The following PRICKLE1 variants were observed in gnomAD, a reference collection of about 807,000 sequenced individuals.
PRICKLE1 encodes prickle planar cell polarity protein 1.
PRICKLE1 carries 14 observed loss-of-function variants against 70.2 expected under a neutral mutation model. The ratio of observed to expected loss-of-function variants is 0.20; its 90% CI spans 0.13 to 0.31. The LOEUF (loss-of-function observed/expected upper bound fraction) is 0.31. Ranked by LOEUF, PRICKLE1 falls within the 10% of genes least tolerant of loss-of-function variation. The pLI is 1.00. For synonymous variants in PRICKLE1, 357 were observed against 379.9 expected (o/e 0.94, Z 0.70); for missense variants, 821 against 1,026.2 (o/e 0.80, Z 2.73).
chr12:42,499,554 G>A (rs1163913057), intron 1 of PRICKLE1, among the ~76,000 whole-genome samples: 1 of 151,734 alleles, frequency 6.6e-6, no homozygotes, highest in African/African-American at 2.4e-5. Flanking sequence ...CTGAGTAGCT[G>A]GGACTATAAG....
At chr12:42,528,459 G>C (rs1401716050) in intron 1 of PRICKLE1, among the ~76,000 whole-genome samples, 1 of 152,032 alleles carries the variant, frequency 6.6e-6, no homozygotes, top group Non-Finnish European at 1.5e-5. Context: ...TCTTAATTTT[G>C]AGAAAAACAA....
chr12:42,459,858 TTTG>T lies in PRICKLE1; in HGVS notation c.2444_2446del (p.Thr815del). On this transcript the variant is annotated inframe_deletion, in exon 8 of 8. Coordinates refer to ENST00000345127, the MANE Select transcript of PRICKLE1 (RefSeq NM_153026.3). Reference sequence around the variant, plus strand: ...CTTGTGTCCCTTTTTCTTCTTGGATTTTGTTGTCCTCTGACCAAACTGAGGGGT... The same window carrying T: ...CTTGTGTCCCTTTTTCTTCTTGGATTTTGTCCTCTGACCAAACTGAGGGGT... 1 of 1,614,196 alleles carries T rather than the reference TTTG, an allele frequency of 6.2e-7. No homozygotes were observed. The highest frequency in any genetic ancestry group is 8.5e-7 in the Non-Finnish European group (1 of 1,180,030).
At chr12:42,476,471 T>C (rs1938539073) in intron 1 of PRICKLE1, among the ~76,000 whole-genome samples, 1 of 149,710 alleles carries the variant, frequency 6.7e-6, no homozygotes, top group Admixed American at 6.6e-5. Flanking sequence ...CGTGAGCCAC[T>C]GCACCTGGCT....
chr12:42,529,856 A>G (rs561211496), intron 1 of PRICKLE1, among the ~76,000 whole-genome samples: 1 of 152,202 alleles, frequency 6.6e-6, no homozygotes, highest in East Asian at 1.9e-4. Context: ...CACTCACTAT[A>G]TTCCAGCCTG....
intron 1 of PRICKLE1, among the ~76,000 whole-genome samples, chr12:42,538,307 T>C (rs369739870): frequency 1.3e-5 from 2 of 152,030 alleles, no homozygotes; most frequent in Non-Finnish European, 2.9e-5. Flanking sequence ...AGCTTCATAC[T>C]AGGCAGCAAA....
At chr12:42,581,140 A>C (rs1940891900) in intron 1 of PRICKLE1, among the ~76,000 whole-genome samples, 1 of 152,174 alleles carries the variant, frequency 6.6e-6, no homozygotes, top group African/African-American at 2.4e-5. Context: ...CTGCACTGAA[A>C]ACCTACTGCA....
chr12:42,488,827 G>C (rs942333394), intron 1 of PRICKLE1, among the ~76,000 whole-genome samples: 10 of 151,648 alleles, frequency 6.6e-5, no homozygotes, highest in Non-Finnish European at 1.2e-4. Flanking sequence ...GGGGAGGGCA[G>C]ATTATAGGAA....
rs1313880146 is a variant in PRICKLE1 at position 42,468,642 on chromosome 12, C to T, written c.572G>A (p.Cys191Tyr). ...TTTTTTTACCTCGTCACATGCTGAG[C>T]ACCGTGGTTTGAGCAGTTCTGCATG... ...RHHAELLKPR[C>Y]SACDEIIFAD... The change falls in exon 5 of 8, where the codon TGC (cysteine) becomes TAC (tyrosine). Residue 191 changes from cysteine to tyrosine, a missense_variant. Physicochemically the swap from Cys to Tyr is radical, Grantham distance 194 (BLOSUM62 -2). Coordinates refer to ENST00000345127, the MANE Select transcript of PRICKLE1 (RefSeq NM_153026.3). The T allele has an allele frequency of 6.2e-7, 1 of 1,613,894 alleles. No individual in the cohort carries two copies. Among genetic ancestry groups the T allele is most frequent in the Non-Finnish European group, 8.5e-7 (1 of 1,179,966 alleles).
At position 42,464,628 on chromosome 12, in the gene PRICKLE1, G is replaced by C. The variant is rs751326939; in HGVS notation, c.1406C>G (p.Ser469Cys). 3.7e-6 allele frequency: 6 copies of C among 1,613,816 alleles called. No individual in the cohort carries two copies. The highest frequency in any genetic ancestry group is 5.1e-6 in the Non-Finnish European group (6 of 1,180,006). Residue 469 changes from serine to cysteine, a missense_variant, in exon 7 of 8, where the codon TCT (serine) becomes TGT (cysteine). Coordinates refer to ENST00000345127, the MANE Select transcript of PRICKLE1 (RefSeq NM_153026.3). The surrounding 1 kb of genome is among the most constrained non-coding windows in gnomAD (Gnocchi z 4.2). ...NQSLASKKYQ[S>C]DMYWAQSQDG... ...TTGTGACTGTGCCCAGTACATATCA[G>C]ACTGGTATTTTTTACTTGCAAGGCT...
intron 1 of PRICKLE1, among the ~76,000 whole-genome samples, chr12:42,503,635 C>G (rs1341243033): frequency 1.3e-5 from 2 of 152,196 alleles, no homozygotes; most frequent in Middle Eastern, 6.8e-3. Context: ...AAGGAAAGCA[C>G]TAAAGTAAAA....
In PRICKLE1 at chr12:42,459,977, T is replaced by C. The variant is rs2140084796; in HGVS notation, c.2328A>G (p.Gly776=). The change falls in exon 8 of 8, where the codon GGA becomes GGG. Residue 776 remains glycine, a synonymous_variant. Transcript: ENST00000345127. ...SSSSSDSEEE[G]YFLGQPIPQP... ...GAGGGATTGGTTGTCCAAGAAAATATCCTTCTTCTTCCGAGTCGGAAGAGG... is the reference window on the plus strand; with the variant it reads ...GAGGGATTGGTTGTCCAAGAAAATACCCTTCTTCTTCCGAGTCGGAAGAGG... 2 of 1,614,098 alleles carry C rather than the reference T, an allele frequency of 1.2e-6. No individual in the cohort carries two copies. Among genetic ancestry groups the C allele is most frequent in the South Asian group, 2.2e-5 (2 of 91,076 alleles).
chr12:42,461,573 G>A (rs1937838076), intron 7 of PRICKLE1, among the ~76,000 whole-genome samples: 1 of 152,262 alleles, frequency 6.6e-6, no homozygotes, highest in South Asian at 2.1e-4. Flanking sequence ...AAGGGCTATC[G>A]AGCCCATTAT....
intron 1 of PRICKLE1, among the ~76,000 whole-genome samples, chr12:42,537,907 C>T (rs185471175): frequency 3.3e-5 from 5 of 152,298 alleles, no homozygotes; most frequent in African/African-American, 1.2e-4. Context: ...TGACATAATG[C>T]AATGAAACCT....
intron 1 of PRICKLE1, among the ~76,000 whole-genome samples, chr12:42,586,798 G>C (rs1300294308): frequency 6.6e-6 from 1 of 152,140 alleles, no homozygotes; most frequent in African/African-American, 2.4e-5. Context: ...AGATTTTAGA[G>C]AAATTATGAT....
At chr12:42,515,595 A>G (rs1566109873) in intron 1 of PRICKLE1, among the ~76,000 whole-genome samples, 1 of 152,206 alleles carries the variant, frequency 6.6e-6, no homozygotes, top group Non-Finnish European at 1.5e-5. Flanking sequence ...CATGGAAGGT[A>G]AAATTGTTGA....
intron 1 of PRICKLE1, among the ~76,000 whole-genome samples, chr12:42,560,770 A>T (rs1295279264): frequency 2.5e-3 from 2 of 812 alleles, no homozygotes; most frequent in South Asian, 0.042. Context: ...CCATCTTCTC[A>T]CACACACACA....
At chr12:42,539,798 G>A (rs1369756069) in intron 1 of PRICKLE1, among the ~76,000 whole-genome samples, 1 of 152,094 alleles carries the variant, frequency 6.6e-6, no homozygotes, top group Non-Finnish European at 1.5e-5. Flanking sequence ...TCCTGACAAA[G>A]CAACAAGAAA....
chr12:42,562,912 G>A (rs1199809371), intron 1 of PRICKLE1, among the ~76,000 whole-genome samples: 9 of 152,252 alleles, frequency 5.9e-5, no homozygotes, highest in Middle Eastern at 3.4e-3. Context: ...TCAGGGGGCC[G>A]GGTGCGGTGG....
intron 1 of PRICKLE1, among the ~76,000 whole-genome samples, chr12:42,551,229 T>C (rs1940310564): frequency 6.6e-6 from 1 of 152,198 alleles, no homozygotes; most frequent in African/African-American, 2.4e-5. Context: ...ATAACTATAA[T>C]TGTACAGATG....
Sources: gnomAD v4.1 joint callset for allele counts (sites outside exome capture counted in the v4.1 genomes callset) on GRCh38, gnomAD v4.1.1 for gene constraint, Gnocchi (gnomAD v3.1) non-coding constraint, MANE v1.5 for transcripts, NCBI Gene and HGNC (gene_info 2026-07-23, HGNC 2026-07-21) for gene names.